SLC24A2: variants seen among roughly 807,000 people sequenced by gnomAD.
The protein encoded by SLC24A2 is solute carrier family 24 member 2.
A neutral mutation model predicts 62.0 loss-of-function variants in SLC24A2; 36 were observed. That is an observed-to-expected ratio of 0.58 (90% CI 0.44 to 0.77). The LOEUF is 0.77. Ranked by LOEUF, SLC24A2 falls within the 30% of genes least tolerant of loss-of-function variation. The pLI is 0.00. For missense variants in SLC24A2, 846 were observed against 817.9 expected (o/e 1.03, Z -0.42); for synonymous variants, 358 against 294.0 (o/e 1.22, Z -2.23).
At chr9:19,977,328 C>A in the SLC24A2 span, among the ~76,000 whole-genome samples, 2 of 152,086 alleles carry the variant, frequency 1.3e-5, no homozygotes, top group Non-Finnish European at 2.9e-5. Flanking sequence ...ATACTCACAA[C>A]TGAAGTGCGT....
chr9:19,524,026 G>A (rs1187101488), intron 9 of SLC24A2, among the ~76,000 whole-genome samples: 3 of 149,848 alleles, frequency 2.0e-5, no homozygotes, highest in African/African-American at 7.4e-5. Flanking sequence ...CAGTAAAGAT[G>A]ATGGGCACAT....
At chr9:20,035,094 C>T in the SLC24A2 span, among the ~76,000 whole-genome samples, 5 of 152,018 alleles carry the variant, frequency 3.3e-5, no homozygotes, top group East Asian at 3.9e-4. Flanking sequence ...AAAATAAGAG[C>T]AATGAATGTG....
the SLC24A2 span, among the ~76,000 whole-genome samples, chr9:19,874,317 T>C: frequency 6.6e-6 from 1 of 152,158 alleles, no homozygotes; most frequent in African/African-American, 2.4e-5. Flanking sequence ...ATATAATTCA[T>C]TGCTCTGGAA....
the SLC24A2 span, among the ~76,000 whole-genome samples, chr9:20,140,017 AT>A: frequency 6.6e-6 from 1 of 152,180 alleles, no homozygotes; most frequent in Non-Finnish European, 1.5e-5. Flanking sequence ...CGTGCTGCTC[AT>A]TAGTGGTAAA....
chr9:19,915,508 T>C, the SLC24A2 span, among the ~76,000 whole-genome samples: 1 of 152,078 alleles, frequency 6.6e-6, no homozygotes, highest in Non-Finnish European at 1.5e-5. Flanking sequence ...TTGCCAAACT[T>C]TTTCCAGAGC....
At chr9:20,120,593 T>C in the SLC24A2 span, among the ~76,000 whole-genome samples, 1 of 152,122 alleles carries the variant, frequency 6.6e-6, no homozygotes, top group African/African-American at 2.4e-5. Context: ...AAACTATCTA[T>C]TGAGTACTAT....
intron 5 of SLC24A2, among the ~76,000 whole-genome samples, chr9:19,595,923 G>A (rs1486845425): frequency 1.3e-5 from 2 of 152,078 alleles, no homozygotes; most frequent in African/African-American, 4.8e-5. Flanking sequence ...CTATCCCCTT[G>A]GTAGCAGGTA....
the SLC24A2 span, among the ~76,000 whole-genome samples, chr9:20,058,442 T>A: frequency 6.6e-6 from 1 of 151,314 alleles, no homozygotes; most frequent in Non-Finnish European, 1.5e-5. Context: ...ATCATAAAAC[T>A]TATATCTGGA....
the SLC24A2 span, among the ~76,000 whole-genome samples, chr9:20,024,738 T>C: frequency 6.6e-6 from 1 of 152,162 alleles, no homozygotes; most frequent in Admixed American, 6.6e-5. Context: ...TGATTTTAGT[T>C]ACTACAAAGT....
At chr9:19,567,175 A>G (rs952931851) in intron 7 of SLC24A2, among the ~76,000 whole-genome samples, 3 of 101,750 alleles carry the variant, frequency 2.9e-5, no homozygotes, top group African/African-American at 1.2e-4. Flanking sequence ...AAGAATCTGG[A>G]AAAAAAAAAA....
At chr9:19,738,348 G>T (rs183777934) in intron 2 of SLC24A2, among the ~76,000 whole-genome samples, 1 of 152,122 alleles carries the variant, frequency 6.6e-6, no homozygotes, top group African/African-American at 2.4e-5. Context: ...TTTCTGGAGT[G>T]GGGGCTGGAT....
At chr9:19,543,216 A>G (rs1834368523) in intron 8 of SLC24A2, among the ~76,000 whole-genome samples, 4 of 152,182 alleles carry the variant, frequency 2.6e-5, no homozygotes, top group Admixed American at 6.5e-5. Context: ...TTATTTGCAT[A>G]GAGGTGTTTA....
At chr9:19,913,424 C>A in the SLC24A2 span, among the ~76,000 whole-genome samples, 1 of 152,076 alleles carries the variant, frequency 6.6e-6, no homozygotes, top group Non-Finnish European at 1.5e-5. Context: ...CAGTCAGATT[C>A]CCTTGTGTGG....
At chr9:20,059,041 T>C in the SLC24A2 span, among the ~76,000 whole-genome samples, 2 of 152,330 alleles carry the variant, frequency 1.3e-5, no homozygotes, top group South Asian at 2.1e-4. Flanking sequence ...CAAGACTATA[T>C]AGTTAATATG....
At chr9:19,586,064 G>C (rs991671409) in intron 5 of SLC24A2, among the ~76,000 whole-genome samples, 75 of 152,132 alleles carry the variant, frequency 4.9e-4, no homozygotes, top group African/African-American at 1.8e-3. Context: ...CTTCTTATCT[G>C]TCTTATTTCT....
At chr9:19,854,947 G>T in the SLC24A2 span, among the ~76,000 whole-genome samples, 2 of 152,160 alleles carry the variant, frequency 1.3e-5, no homozygotes, top group Non-Finnish European at 2.9e-5. Flanking sequence ...AGGTCTCTAA[G>T]AACTTGTTTT....
the SLC24A2 span, among the ~76,000 whole-genome samples, chr9:19,898,741 C>CAAAAAAAAAAAAA: frequency 2.1e-5 from 2 of 97,282 alleles, no homozygotes; most frequent in Non-Finnish European, 1.9e-5. Context: ...GACTCCATCT[C>CAAAAAAAAAAAAA]AAAAAAAAAA....
chr9:20,064,564 C>G, the SLC24A2 span, among the ~76,000 whole-genome samples: 1 of 152,210 alleles, frequency 6.6e-6, no homozygotes, highest in African/African-American at 2.4e-5. Flanking sequence ...ACACAGGCTA[C>G]TGTGCTTACT....
At chr9:19,679,408 G>A (rs1002526929) in intron 2 of SLC24A2, among the ~76,000 whole-genome samples, 1 of 152,108 alleles carries the variant, frequency 6.6e-6, no homozygotes, top group Non-Finnish European at 1.5e-5. Context: ...TACTGGGGAG[G>A]CTGGACAATC....
Sources: gnomAD v4.1 joint callset for allele counts (sites outside exome capture counted in the v4.1 genomes callset) on GRCh38, gnomAD v4.1.1 for gene constraint, MANE v1.5 for transcripts, NCBI Gene and HGNC (gene_info 2026-07-23, HGNC 2026-07-21) for gene names.